CHD8: variants seen among roughly 807,000 people sequenced by gnomAD.
CHD8 encodes ATP-dependent chromatin remodeler CHD8.
A neutral mutation model predicts 279.2 loss-of-function variants in CHD8; 31 were observed. The ratio of observed to expected loss-of-function variants is 0.11; its 90% CI spans 0.08 to 0.15. The LOEUF (loss-of-function observed/expected upper bound fraction) is 0.15, where lower values mean the gene tolerates loss of function less well. CHD8 is among the 10% of genes least tolerant of loss of function. The pLI, the probability that CHD8 is intolerant of heterozygous loss-of-function variation, is 1.00. For synonymous variants in CHD8, 1,081 were observed against 1,139.6 expected (o/e 0.95, Z 1.04); for missense variants, 2,146 against 3,230.5 (o/e 0.66, Z 8.14).
At chr14:21,437,217 TTCGCCC>T in intron 1 of CHD8, 1 of 1,184,528 alleles carries the variant, frequency 8.4e-7, no homozygotes. Flanking sequence ...GGGGGGCCGG[TTCGCCC>T]CTCTCCCTGT....
At chr14:21,426,303 A>C (rs1259096685) in intron 4 of CHD8, 61 bp from the exon 5 acceptor site, 3 of 850,894 alleles carry the variant, frequency 3.5e-6, no homozygotes, top group African/African-American at 3.4e-5. Flanking sequence ...GAGTAAAAAA[A>C]CATAATTAAT....
Position 21,403,761 on chromosome 14 carries a change from G to T in CHD8, c.3308-98C>A. Reference sequence around the variant, plus strand: ...AAGCAAAAGGAAAAAAATGTAATTTGACTTAAGACCAACATTTCTCACACA... The same window carrying T: ...AAGCAAAAGGAAAAAAATGTAATTTTACTTAAGACCAACATTTCTCACACA... On this transcript the variant is annotated intron_variant, in intron 16 of 37. Coordinates refer to ENST00000646647, the MANE Select transcript of CHD8 (RefSeq NM_001170629.2). The surrounding 1 kb of genome is among the most constrained non-coding windows in gnomAD (Gnocchi z 4.3). 9.8e-7 allele frequency: 1 copy of T among 1,023,502 alleles called. No individual in the cohort carries two copies. Among genetic ancestry groups the T allele is most frequent in the Non-Finnish European group, 1.5e-6 (1 of 687,292 alleles). The allele number at this position is 1,023,502 out of a possible 1,614,324, so 63.4% of individuals were successfully genotyped here.
At chr14:21,416,064 G>A (rs1237951004) in intron 5 of CHD8, 157 bp from the exon 6 acceptor site, 1 of 661,786 alleles carries the variant, frequency 1.5e-6, no homozygotes, top group Non-Finnish European at 2.6e-6. Flanking sequence ...CAAACAATGT[G>A]ATTATGCTAT....
In CHD8 at chr14:21,407,046, C is replaced by A; in HGVS notation, c.2731-14G>T. On this transcript the variant is annotated splice_polypyrimidine_tract_variant and intron_variant, in intron 13 of 37. Transcript: ENST00000646647. ...GATGAGGCGTCCCTAAGCATGAAGG[C>A]AGTAAAGTCAGAAAAAACCAAAAAT... 1 of 1,541,572 alleles carries A rather than the reference C, an allele frequency of 6.5e-7. No individual in the cohort carries two copies. The highest frequency in any genetic ancestry group is 1.2e-5 in the South Asian group (1 of 81,852).
chr14:21,456,055 T>G lies in CHD8; in HGVS notation c.-239A>C, dbSNP rs1890382667. 6.6e-6 allele frequency: 1 copy of G among 151,978 alleles called. No homozygotes were observed. The highest frequency in any genetic ancestry group is 2.4e-5 in the African/African-American group (1 of 41,330). 9.4% of individuals were successfully genotyped at this position (151,978 alleles called of 1,614,324 possible). On this transcript the variant is annotated 5_prime_UTR_variant, in exon 1 of 38. Transcript: ENST00000646647. ...ACCTGTGCAAGTCCTGGTACTTCCT[T>G]TCCAGGCAGCGTTTCAACTCACCCT...
intron 5 of CHD8, among the ~76,000 whole-genome samples, chr14:21,417,984 T>C (rs1888820245): frequency 1.3e-5 from 2 of 151,306 alleles, no homozygotes; most frequent in South Asian, 4.2e-4. Context: ...AGAACTCTAC[T>C]GGTGAAGTAT....
intron 33 of CHD8, 46 bp from the exon 34 acceptor site, chr14:21,392,855 A>G (rs1475523531): frequency 1.3e-6 from 2 of 1,575,418 alleles, no homozygotes; most frequent in African/African-American, 1.3e-5. Flanking sequence ...TCTGAGTACT[A>G]GCTGTGTGAT....
At chr14:21,444,919 G>A (rs986754803) in intron 1 of CHD8, among the ~76,000 whole-genome samples, 1 of 152,030 alleles carries the variant, frequency 6.6e-6, no homozygotes, top group Non-Finnish European at 1.5e-5. Context: ...CTCTTGGTCT[G>A]TATATCTCCC....
In CHD8 at chr14:21,408,060, C is replaced by T. The variant is rs181318795; in HGVS notation, c.2730+252G>A. Among the ~76,000 whole-genome samples, 25 of 152,192 alleles carry T rather than the reference C, an allele frequency of 1.6e-4. No homozygotes were observed. In the East Asian group the frequency reaches 2.9e-3, roughly 18 times the overall value. On this transcript the variant is annotated intron_variant, in intron 13 of 37. Coordinates refer to ENST00000646647, the MANE Select transcript of CHD8 (RefSeq NM_001170629.2). The surrounding 1 kb of genome is among the most constrained non-coding windows in gnomAD (Gnocchi z 4.3). ...ATTCATTGATGCTGACAAAATTCTA[C>T]TTAAAATGTGTATGTTCATAAATAA...
intron 5 of CHD8, among the ~76,000 whole-genome samples, chr14:21,424,564 G>C (rs1193419769): frequency 6.6e-6 from 1 of 152,080 alleles, no homozygotes; most frequent in African/African-American, 2.4e-5. Flanking sequence ...TCTGCTTCTA[G>C]GGTTCATGCC....
At position 21,428,046 on chromosome 14, in the gene CHD8, C is replaced by A; in HGVS notation, c.1424G>T (p.Arg475Leu). ...GACTCGAGGTATGTTCTGCTCACCGCGGGCACGGGCTCTCGCAATGGCCTC... is the reference window on the plus strand; with the variant it reads ...GACTCGAGGTATGTTCTGCTCACCGAGGGCACGGGCTCTCGCAATGGCCTC... ...VAEAIARARA[R>L]GEQNIPRVLN... Residue 475 changes from arginine (R) to leucine (L), a missense_variant, in exon 4 of 38, where the codon CGC becomes CTC. Arg to Leu is a moderately radical substitution (Grantham distance 102). This residue lies in a region of CHD8 where 14 missense variants were observed against 42.4 expected (regional missense o/e 0.33). Transcript: ENST00000646647. The A allele has an allele frequency of 6.2e-7, 1 of 1,614,042 alleles. No individual in the cohort carries two copies. The highest frequency in any genetic ancestry group is 8.5e-7 in the Non-Finnish European group (1 of 1,179,914).
At chr14:21,451,655 T>C (rs923400959) in intron 1 of CHD8, among the ~76,000 whole-genome samples, 1 of 150,906 alleles carries the variant, frequency 6.6e-6, no homozygotes, top group African/African-American at 2.4e-5. Context: ...ATTTTTATTA[T>C]CCTGTACCAT....
At chr14:21,413,292 C>A (rs1248274488) in intron 9 of CHD8, among the ~76,000 whole-genome samples, 1 of 152,116 alleles carries the variant, frequency 6.6e-6, no homozygotes, top group Non-Finnish European at 1.5e-5. Context: ...CGAGTCATTG[C>A]CATAAATACA....
chr14:21,419,650 C>T (rs952775186), intron 5 of CHD8: 1 of 199,278 alleles, frequency 5.0e-6, no homozygotes, highest in Non-Finnish European at 1.1e-5. Context: ...CAGCCAGACC[C>T]TGAGCTGGGC....
chr14:21,424,537 C>G (rs1196149388), intron 5 of CHD8, among the ~76,000 whole-genome samples: 1 of 152,128 alleles, frequency 6.6e-6, no homozygotes, highest in Non-Finnish European at 1.5e-5. Flanking sequence ...GTGGCGCAAT[C>G]TTGGCTCACT....
chr14:21,401,487 C>T lies in CHD8; in HGVS notation c.4089G>A (p.Arg1363=). 1 of 1,594,114 alleles carries T rather than the reference C, an allele frequency of 6.3e-7. No individual in the cohort carries two copies. The highest frequency in any genetic ancestry group is 2.3e-5 in the East Asian group (1 of 44,328). The part of the protein sequence containing the change: ...AKASFVASEN[R]TDISLDDPNF... The stretch of plus-strand genomic sequence containing the variant: ...TGGGGTCATCCAAAGAAATATCTGT[C>T]CTGTTTTCAGAAGCAACAAAGCTTG... Residue 1363 remains arginine, a synonymous_variant, in exon 21 of 38, where the codon AGG becomes AGA. Coordinates refer to ENST00000646647, the MANE Select transcript of CHD8 (RefSeq NM_001170629.2).
At chr14:21,393,403 T>G in intron 32 of CHD8, 73 bp downstream of exon 32, 1 of 1,497,924 alleles carries the variant, frequency 6.7e-7, no homozygotes, top group Non-Finnish European at 8.9e-7. Flanking sequence ...CTCAAGAGGA[T>G]GCATTTAGAA....
chr14:21,402,589 T>C lies in CHD8; in HGVS notation c.3715-86A>G. On this transcript the variant is annotated intron_variant, in intron 18 of 37. Transcript: ENST00000646647. The surrounding 1 kb of genome is among the most constrained non-coding windows in gnomAD (Gnocchi z 4.5). Reference sequence around the variant, plus strand: ...GATACAAAATACCAATTTATGATTCTTTCACCTCTATAGAGCAGCCATGAG... The same window carrying C: ...GATACAAAATACCAATTTATGATTCCTTCACCTCTATAGAGCAGCCATGAG... The C allele has an allele frequency of 7.7e-7, 1 of 1,291,088 alleles. No homozygotes were observed. The highest frequency in any genetic ancestry group is 1.1e-6 in the Non-Finnish European group (1 of 951,638). The allele number at this position is 1,291,088 out of a possible 1,614,324, so 80.0% of individuals were successfully genotyped here. A position where few individuals can be genotyped will look rare whatever the true frequency, so the allele number is the denominator to read the frequency against.
In CHD8 at chr14:21,391,583, G is replaced by A; in HGVS notation, c.6945C>T (p.Ile2315=). The part of the protein sequence containing the change: ...NHLDVDLETR[I]PVINKVDGTL... Reference sequence around the variant, plus strand: ...TACCATCCACCTTATTGATGACAGGGATCCGGGTCTCCAGGTCCACATCAA... The same window carrying A: ...TACCATCCACCTTATTGATGACAGGAATCCGGGTCTCCAGGTCCACATCAA... Residue 2315 remains isoleucine, a synonymous_variant, in exon 36 of 38, where the codon ATC becomes ATT. Coordinates refer to ENST00000646647, the MANE Select transcript of CHD8 (RefSeq NM_001170629.2). 1.2e-6 allele frequency: 2 copies of A among 1,612,302 alleles called. No homozygotes were observed. The highest frequency in any genetic ancestry group is 1.7e-6 in the Non-Finnish European group (2 of 1,179,238).
Sources: allele counts gnomAD v4.1 joint callset (sites outside exome capture counted in the v4.1 genomes callset), GRCh38; gene constraint gnomAD v4.1.1; regional missense constraint gnomAD v4.1.1; non-coding constraint Gnocchi (gnomAD v3.1); transcripts MANE v1.5; gene names NCBI Gene and HGNC (gene_info 2026-07-23, HGNC 2026-07-21).